Variants in TSC22D1 observed in about 807,000 individuals in gnomAD.
TSC22D1 encodes the protein TSC22 domain family protein 1.
Under a neutral mutation model 74.2 loss-of-function variants are expected in TSC22D1, and 9 were observed. The ratio of observed to expected loss-of-function variants is 0.12; its 90% CI spans 0.07 to 0.21. The LOEUF (loss-of-function observed/expected upper bound fraction) is 0.21, where lower values mean the gene tolerates loss of function less well. TSC22D1 is among the 10% of genes least tolerant of loss of function. The probability of loss-of-function intolerance (pLI) is 1.00; values close to 1 mark genes in which losing one functional copy is unlikely to be tolerated. For missense variants in TSC22D1, 1,427 were observed against 1,304.7 expected (o/e 1.09, Z -1.44); for synonymous variants, 586 against 492.5 (o/e 1.19, Z -2.51).
At chr13:44,485,027 G>C (rs1343304507) in intron 1 of TSC22D1, among the ~76,000 whole-genome samples, 2 of 152,148 alleles carry the variant, frequency 1.3e-5, no homozygotes, top group East Asian at 3.8e-4. Context: ...GATATGTAGA[G>C]TATGTAAGAT....
chr13:44,445,348 G>C (rs1005379003), intron 1 of TSC22D1, among the ~76,000 whole-genome samples: 5 of 150,602 alleles, frequency 3.3e-5, no homozygotes, highest in African/African-American at 7.3e-5. Context: ...AAATACAACT[G>C]ATCCATTCTT....
intron 1 of TSC22D1, chr13:44,536,740 G>C (rs1454714506): frequency 2.0e-6 from 2 of 984,366 alleles, no homozygotes; most frequent in Non-Finnish European, 2.4e-6. Flanking sequence ...ACTCAAGAGA[G>C]TTTTAATGGT....
At chr13:44,567,060 T>C (rs60205303) in intron 1 of TSC22D1, among the ~76,000 whole-genome samples, 3,577 of 152,214 alleles carry the variant, frequency 0.023, 120 homozygotes, top group African/African-American at 0.076. Context: ...AGGTAAAACA[T>C]AGGATCACAG....
intron 1 of TSC22D1, among the ~76,000 whole-genome samples, chr13:44,508,401 AT>A: frequency 6.6e-6 from 1 of 152,294 alleles, no homozygotes; most frequent in Middle Eastern, 3.4e-3. Flanking sequence ...TAACTTTTCC[AT>A]GGAGTAAACT....
rs759702630 is a variant in TSC22D1, at chr13:44,575,470, G to C, written c.605C>G (p.Pro202Arg). 21 of 1,614,124 alleles carry C rather than the reference G, an allele frequency of 1.3e-5. No individual in the cohort carries two copies. The highest frequency in any genetic ancestry group is 1.8e-5 in the Non-Finnish European group (21 of 1,180,032). Reference sequence around the variant, plus strand: ...CACAACATTCTGTTGTGGAAGGTGAGGCAAATGAGGCTGAGGAAGGTGGGG... The same window carrying C: ...CACAACATTCTGTTGTGGAAGGTGACGCAAATGAGGCTGAGGAAGGTGGGG... ...NQPHLPQPHL[P>R]HLPQQNVVIN... is the part of the protein sequence containing the mutation. Residue 202 changes from proline to arginine, a missense_variant, in exon 1 of 3, where the codon CCT becomes CGT. By Grantham distance (103) the Pro-to-Arg change is moderately radical. Transcript: ENST00000458659.
chr13:44,443,063 C>G (rs866797033), intron 1 of TSC22D1, among the ~76,000 whole-genome samples: 1 of 143,180 alleles, frequency 7.0e-6, no homozygotes. Flanking sequence ...TAAGAAATAA[C>G]GGTAATTTTC....
intron 1 of TSC22D1, among the ~76,000 whole-genome samples, chr13:44,547,690 A>C (rs892713874): frequency 7.2e-5 from 11 of 152,154 alleles, no homozygotes; most frequent in Non-Finnish European, 1.3e-4. Flanking sequence ...TAATACCTTC[A>C]CTTACAAAGT....
chr13:44,553,898 TAGAACTAAG>T (rs1478124506), intron 1 of TSC22D1, among the ~76,000 whole-genome samples: 2 of 152,218 alleles, frequency 1.3e-5, no homozygotes, highest in Non-Finnish European at 2.9e-5. Flanking sequence ...ATGCCATTCT[TAGAACTAAG>T]AGAGTAGGCA....
chr13:44,437,113 T>G, intron 1 of TSC22D1: 1 of 983,988 alleles, frequency 1.0e-6, no homozygotes, highest in Non-Finnish European at 1.2e-6. Context: ...ACTGGGCCAT[T>G]GCTTCGGCAG....
chr13:44,555,554 C>T (rs989305321), intron 1 of TSC22D1, among the ~76,000 whole-genome samples: 17 of 151,962 alleles, frequency 1.1e-4, no homozygotes, highest in African/African-American at 4.8e-5. Context: ...TGCAGTGATC[C>T]GAGATTGTGC....
At chr13:44,509,618 C>T (rs1314992340) in intron 1 of TSC22D1, among the ~76,000 whole-genome samples, 1 of 152,018 alleles carries the variant, frequency 6.6e-6, no homozygotes, top group Non-Finnish European at 1.5e-5. Flanking sequence ...CCAGCCTGGG[C>T]GACAGAGCGA....
At position 44,575,219 on chromosome 13, in the gene TSC22D1, G is replaced by A. The variant is rs1253743125; in HGVS notation, c.856C>T (p.Pro286Ser). 1.9e-6 allele frequency: 3 copies of A among 1,614,014 alleles called. No homozygotes were observed. The highest frequency in any genetic ancestry group is 2.2e-5 in the South Asian group (2 of 91,084). Residue 286 changes from proline to serine, a missense_variant, in exon 1 of 3, where the codon CCT (proline) becomes TCT (serine). Physicochemically the swap from Pro to Ser is moderately conservative, Grantham distance 74. Around this residue, in one of 3 missense-constraint regions of TSC22D1, gnomAD observed 1,343 missense variants for 1,191.5 expected, o/e 1.13. Coordinates refer to ENST00000458659, the MANE Select transcript of TSC22D1 (RefSeq NM_183422.4). ...PTSAVSSSGSPASVMTNMRAP... is the reference protein window; with the variant it reads ...PTSAVSSSGSSASVMTNMRAP... The stretch of plus-strand genomic sequence containing the variant: ...CGCATATTAGTCATTACAGATGCAG[G>A]TGAACCACTGGATGATACAGCAGAA...
intron 1 of TSC22D1, among the ~76,000 whole-genome samples, chr13:44,570,103 C>G (rs1883656732): frequency 6.6e-6 from 1 of 151,206 alleles, no homozygotes; most frequent in Non-Finnish European, 1.5e-5. Context: ...ATAACAATCA[C>G]AAAACATAAA....
At chr13:44,477,249 G>A (rs1461706648) in intron 1 of TSC22D1, among the ~76,000 whole-genome samples, 1 of 152,112 alleles carries the variant, frequency 6.6e-6, no homozygotes, top group Admixed American at 6.5e-5. Context: ...CACCATGCCT[G>A]GCCAACCTGA....
intron 1 of TSC22D1, among the ~76,000 whole-genome samples, chr13:44,464,428 A>G (rs560094507): frequency 6.6e-6 from 1 of 152,296 alleles, no homozygotes; most frequent in South Asian, 2.1e-4. Context: ...AGTCACCATC[A>G]CTGACCTTAC....
At chr13:44,449,837 A>G (rs1189908583) in intron 1 of TSC22D1, among the ~76,000 whole-genome samples, 1 of 152,172 alleles carries the variant, frequency 6.6e-6, no homozygotes, top group Non-Finnish European at 1.5e-5. Flanking sequence ...TATAAACTAG[A>G]ATTTAAAAAC....
chr13:44,501,690 T>A lies in TSC22D1; in HGVS notation c.2913-65595A>T, dbSNP rs558259532. Among the ~76,000 whole-genome samples the A allele has an allele frequency of 4.6e-5, 7 of 152,306 alleles. No individual in the cohort carries two copies. In the South Asian group the frequency reaches 8.3e-4, roughly 18 times the overall value. On this transcript the variant is annotated intron_variant, in intron 1 of 2. Transcript: ENST00000458659. ...AAAGAAGGATAATGAGCTAAGAGTC[T>A]ACTGTAATAAACACATGAAAAGCTA...
chr13:44,478,336 AT>A (rs1329570617), intron 1 of TSC22D1, among the ~76,000 whole-genome samples: 1 of 152,210 alleles, frequency 6.6e-6, no homozygotes, highest in African/African-American at 2.4e-5. Flanking sequence ...CTTTATACGT[AT>A]ATTACCTCAT....
At chr13:44,557,086 T>A (rs1595165787) in intron 1 of TSC22D1, among the ~76,000 whole-genome samples, 1 of 148,884 alleles carries the variant, frequency 6.7e-6, no homozygotes, top group Non-Finnish European at 1.5e-5. Context: ...GAGGTTGTGG[T>A]GAGCCGAGAT....
Sources: allele counts gnomAD v4.1 joint callset (sites outside exome capture counted in the v4.1 genomes callset), GRCh38; gene constraint gnomAD v4.1.1; regional missense constraint gnomAD v4.1.1; transcripts MANE v1.5; gene names NCBI Gene and HGNC (gene_info 2026-07-23, HGNC 2026-07-21).